Variants in WWOX observed in about 807,000 individuals in gnomAD.
WWOX encodes the protein WW domain containing oxidoreductase, also known as WW domain-containing oxidoreductase.
WWOX carries 69 observed loss-of-function variants against 46.2 expected under a neutral mutation model. The observed-to-expected ratio is 1.49, with a 90% CI of 1.23 to 1.82. The LOEUF (loss-of-function observed/expected upper bound fraction) is 1.82, where lower values mean the gene tolerates loss of function less well. WWOX is among the 40% of genes most tolerant of loss of function. The pLI is 0.00. For missense variants in WWOX, 919 were observed against 542.6 expected, an observed-to-expected ratio of 1.69 and a Z score of -6.89; for synonymous variants, 359 against 202.6, an observed-to-expected ratio of 1.77 and a Z score of -6.56.
At chr16:78,360,697 A>G (rs549174549) in intron 5 of WWOX, among the ~76,000 whole-genome samples, 7 of 42,934 alleles carry the variant, frequency 1.6e-4, no homozygotes, top group East Asian at 4.4e-4. Flanking sequence ...AAAATAGACA[A>G]TGGTGCTAAA....
rs955582024 is a variant in WWOX, at chr16:78,347,431, G to A, written c.517-39429G>A. On this transcript the variant is annotated intron_variant, in intron 5 of 8. Coordinates refer to ENST00000566780, the MANE Select transcript of WWOX (RefSeq NM_016373.4). ...TCGCACCTCATATGTCTTTGGCACA[G>A]CACTCTTGACAGCTCATAAAGTCAC... Among the ~76,000 whole-genome samples, 49 of 117,700 alleles carry A rather than the reference G, an allele frequency of 4.2e-4. 7 individuals carry two copies. Among genetic ancestry groups the A allele is most frequent in the African/African-American group, 1.2e-3 (41 of 34,468 alleles). The allele number at this position is 117,700 out of a possible 152,430, so 77.2% of individuals were successfully genotyped here.
At chr16:78,236,964 C>T (rs753090477) in intron 5 of WWOX, among the ~76,000 whole-genome samples, 10 of 151,288 alleles carry the variant, frequency 6.6e-5, no homozygotes, top group Admixed American at 2.6e-4. Context: ...ATCCCAGCTA[C>T]TCAGGAGGCT....
chr16:78,248,583 A>C (rs2037890617), intron 5 of WWOX, among the ~76,000 whole-genome samples: 1 of 152,022 alleles, frequency 6.6e-6, no homozygotes. Context: ...TAAAATACAA[A>C]AATGTAGCCA....
intron 8 of WWOX, among the ~76,000 whole-genome samples, chr16:78,766,211 A>G (rs1660019414): frequency 1.3e-5 from 2 of 152,296 alleles, no homozygotes; most frequent in South Asian, 4.1e-4. Context: ...GCTACTCAAA[A>G]AAGGATTCCA....
chr16:78,909,234 C>T (rs1043689586), intron 8 of WWOX, among the ~76,000 whole-genome samples: 1 of 151,860 alleles, frequency 6.6e-6, no homozygotes, highest in Non-Finnish European at 1.5e-5. Flanking sequence ...GTTCATGTTT[C>T]CTTGTGCCAC....
At chr16:78,836,243 C>G (rs779238712) in intron 8 of WWOX, among the ~76,000 whole-genome samples, 6 of 151,956 alleles carry the variant, frequency 3.9e-5, no homozygotes, top group Non-Finnish European at 5.9e-5. Context: ...GAGGTAGGAT[C>G]CAGGGACGGC....
chr16:78,972,089 C>T (rs368490455), intron 8 of WWOX, among the ~76,000 whole-genome samples: 1 of 152,170 alleles, frequency 6.6e-6, no homozygotes, highest in East Asian at 1.9e-4. Context: ...CCCAGCAGCC[C>T]AGACCTCTCA....
At chr16:78,509,969 AC>A (rs1225892749) in intron 8 of WWOX, among the ~76,000 whole-genome samples, 1 of 151,212 alleles carries the variant, frequency 6.6e-6, no homozygotes, top group African/African-American at 2.4e-5. Context: ...GCATGGTGGC[AC>A]ATGCCTGTAG....
chr16:78,184,997 C>G (rs188939607), intron 5 of WWOX, among the ~76,000 whole-genome samples: 265 of 152,250 alleles, frequency 1.7e-3, no homozygotes, highest in Middle Eastern at 0.017. Context: ...CCACCGGGGC[C>G]CACAGAGCAG....
intron 8 of WWOX, among the ~76,000 whole-genome samples, chr16:79,088,535 A>G (rs546229750): frequency 6.6e-6 from 1 of 152,292 alleles, no homozygotes; most frequent in South Asian, 2.1e-4. Flanking sequence ...GAGTCAGAAA[A>G]ATGACAACAT....
intron 8 of WWOX, among the ~76,000 whole-genome samples, chr16:79,123,050 C>T (rs771899247): frequency 2.0e-5 from 3 of 152,206 alleles, no homozygotes; most frequent in Non-Finnish European, 4.4e-5. Context: ...CCTTCTCCGC[C>T]TTCAAAAGTT....
intron 5 of WWOX, among the ~76,000 whole-genome samples, chr16:78,211,089 C>T (rs1321975589): frequency 6.6e-6 from 1 of 152,166 alleles, no homozygotes; most frequent in Non-Finnish European, 1.5e-5. Context: ...AAAGATACTT[C>T]AGATATTCCT....
Position 78,212,456 on chromosome 16 carries a change from C to G in WWOX, c.516+48167C>G, listed in dbSNP as rs575888045. On this transcript the variant is annotated intron_variant, in intron 5 of 8. Transcript: ENST00000566780. ...TGCCAGGGGGAAATGGAGGAACAAC[C>G]CCTTCTTTGACTACCTCTGTAGTTT... Among the ~76,000 whole-genome samples, 4 of 152,280 alleles carry G rather than the reference C, an allele frequency of 2.6e-5. No homozygotes were observed. The South Asian group carries it at 8.3e-4, about 32-fold the overall frequency.
intron 8 of WWOX, among the ~76,000 whole-genome samples, chr16:78,985,328 C>T (rs968690638): frequency 5.3e-5 from 8 of 152,180 alleles, no homozygotes; most frequent in Admixed American, 1.3e-4. Context: ...TCTGTGCCAC[C>T]GGCACGCAGG....
intron 8 of WWOX, among the ~76,000 whole-genome samples, chr16:79,046,338 A>G (rs2048065135): frequency 6.6e-6 from 1 of 152,178 alleles, no homozygotes. Flanking sequence ...AAAATTAGTC[A>G]TTCTCTCTGG....
chr16:78,331,423 T>G (rs1410276038), intron 5 of WWOX, among the ~76,000 whole-genome samples: 1 of 152,260 alleles, frequency 6.6e-6, no homozygotes, highest in Non-Finnish European at 1.5e-5. Context: ...TAATACAGAT[T>G]ACTTCATGAC....
intron 8 of WWOX, among the ~76,000 whole-genome samples, chr16:79,143,811 G>A (rs1597415012): frequency 6.6e-6 from 1 of 152,150 alleles, no homozygotes; most frequent in Non-Finnish European, 1.5e-5. Context: ...GCTGGTAGGA[G>A]TTTTAGCCAA....
chr16:78,405,469 C>A (rs1195803277), intron 6 of WWOX, among the ~76,000 whole-genome samples: 12 of 152,178 alleles, frequency 7.9e-5, no homozygotes, highest in Admixed American at 7.9e-4. Context: ...GGTCACTGGC[C>A]ACCCAAGCTG....
intron 8 of WWOX, among the ~76,000 whole-genome samples, chr16:78,687,800 G>A (rs1461051279): frequency 6.6e-6 from 1 of 152,034 alleles, no homozygotes; most frequent in East Asian, 1.9e-4. Flanking sequence ...GGAACCTTTA[G>A]GGCTTATTAT....
Sources: gnomAD v4.1 joint callset for allele counts (sites outside exome capture counted in the v4.1 genomes callset) on GRCh38, gnomAD v4.1.1 for gene constraint, MANE v1.5 for transcripts, NCBI Gene and HGNC (gene_info 2026-07-23, HGNC 2026-07-21) for gene names.